PEX5L: variants seen among roughly 807,000 people sequenced by gnomAD.
PEX5L encodes the protein PEX5-related protein.
Under a neutral mutation model 84.0 loss-of-function variants are expected in PEX5L, and 30 were observed. The ratio of observed to expected loss-of-function variants is 0.36; its 90% CI spans 0.27 to 0.48. The LOEUF (loss-of-function observed/expected upper bound fraction) is 0.48, where lower values mean the gene tolerates loss of function less well. Among genes scored for constraint, PEX5L ranks in the 20% least tolerant of loss-of-function variants. The probability of loss-of-function intolerance (pLI) is 0.99; values close to 1 mark genes in which losing one functional copy is unlikely to be tolerated. For missense variants in PEX5L, 533 were observed against 754.6 expected (o/e 0.71, Z 3.44); for synonymous variants, 270 against 283.1 (o/e 0.95, Z 0.46).
chr3:180,032,113 A>T (rs1376720645), intron 1 of PEX5L, among the ~76,000 whole-genome samples: 2 of 152,232 alleles, frequency 1.3e-5, no homozygotes, highest in East Asian at 3.8e-4. Context: ...TTAAAAGCTC[A>T]ACACTACATC....
In PEX5L at chr3:179,805,039, A is replaced by C. The variant is rs140362127; in HGVS notation, c.1676+2635T>G. ...GAGGCTGAGGCAGGAGAATTGCTTG[A>C]ACCTGGGAGGCAGAAGTTGCAGTGA... is the stretch of plus-strand genomic sequence containing the variant. On this transcript the variant is annotated intron_variant, in intron 14 of 14. Transcript: ENST00000467460. Among the ~76,000 whole-genome samples the C allele has an allele frequency of 0.013, 1,982 of 151,878 alleles. 49 individuals carry two copies. The Middle Eastern group carries it at 0.14, about 10-fold the overall frequency.
At chr3:180,020,246 A>G (rs893181277) in intron 1 of PEX5L, among the ~76,000 whole-genome samples, 7 of 152,168 alleles carry the variant, frequency 4.6e-5, no homozygotes, top group African/African-American at 1.7e-4. Context: ...ATAAAATAAA[A>G]ATTTAAACCA....
intron 1 of PEX5L, among the ~76,000 whole-genome samples, chr3:180,006,699 T>A (rs1053189355): frequency 6.6e-6 from 1 of 152,220 alleles, no homozygotes; most frequent in Non-Finnish European, 1.5e-5. Flanking sequence ...TGAAAGGCAC[T>A]TCTTACATTT....
At position 179,801,684 on chromosome 3, in the gene PEX5L, C is replaced by T. The variant is rs888350084; in HGVS notation, c.*144G>A. On this transcript the variant is annotated 3_prime_UTR_variant, in exon 15 of 15. Transcript: ENST00000467460. ...ATCTGAACAGAGACTGGGCATTGTC[C>T]ACAGGAATTAATTTCCTTGGGCTAT... is the stretch of plus-strand genomic sequence containing the variant. The T allele has an allele frequency of 1.5e-6, 1 of 656,028 alleles. No individual in the cohort carries two copies. The highest frequency in any genetic ancestry group is 2.7e-6 in the Non-Finnish European group (1 of 371,438). The allele number at this position is 656,028 out of a possible 1,614,324, so 40.6% of individuals were successfully genotyped here. A position where few individuals can be genotyped will look rare whatever the true frequency, so the allele number is the denominator to read the frequency against.
intron 1 of PEX5L, among the ~76,000 whole-genome samples, chr3:179,980,986 T>C (rs1052556253): frequency 1.3e-5 from 2 of 149,914 alleles, no homozygotes; most frequent in Non-Finnish European, 2.9e-5. Flanking sequence ...ATTGTACCAC[T>C]GTACTCTAGT....
chr3:180,001,540 T>A (rs1183714071), intron 1 of PEX5L, among the ~76,000 whole-genome samples: 1 of 151,856 alleles, frequency 6.6e-6, no homozygotes, highest in Non-Finnish European at 1.5e-5. Flanking sequence ...TCAAACCATA[T>A]ATTTGTAGCT....
chr3:179,967,480 T>C (rs866136546), intron 2 of PEX5L, among the ~76,000 whole-genome samples: 1 of 152,134 alleles, frequency 6.6e-6, no homozygotes, highest in African/African-American at 2.4e-5. Context: ...AAGCACAGTA[T>C]CATTTTACAA....
intron 11 of PEX5L, among the ~76,000 whole-genome samples, chr3:179,810,516 G>T (rs1328166609): frequency 6.6e-6 from 1 of 152,112 alleles, no homozygotes; most frequent in Non-Finnish European, 1.5e-5. Flanking sequence ...TTTTCAAACT[G>T]AAGTGCATGT....
At chr3:179,936,130 G>C (rs1260587457) in intron 2 of PEX5L, among the ~76,000 whole-genome samples, 6 of 152,180 alleles carry the variant, frequency 3.9e-5, no homozygotes, top group Admixed American at 1.3e-4. Flanking sequence ...ACTGTATGTT[G>C]TATGTGTGTT....
chr3:179,924,295 A>T (rs1057397146), intron 2 of PEX5L, among the ~76,000 whole-genome samples: 11 of 152,124 alleles, frequency 7.2e-5, no homozygotes, highest in African/African-American at 2.7e-4. Context: ...GTAGTTATTT[A>T]TGGGCATGCC....
At chr3:179,939,205 T>C (rs903840315) in intron 2 of PEX5L, among the ~76,000 whole-genome samples, 1 of 152,234 alleles carries the variant, frequency 6.6e-6, no homozygotes, top group African/African-American at 2.4e-5. Flanking sequence ...GAAATGAAGA[T>C]GCTTACTGAA....
At chr3:179,992,615 T>C (rs538788795) in intron 1 of PEX5L, among the ~76,000 whole-genome samples, 1 of 152,182 alleles carries the variant, frequency 6.6e-6, no homozygotes, top group African/African-American at 2.4e-5. Flanking sequence ...AACAGATGGC[T>C]CCCACTCAGA....
chr3:179,939,249 T>C (rs1410274242), intron 2 of PEX5L, among the ~76,000 whole-genome samples: 2 of 152,156 alleles, frequency 1.3e-5, no homozygotes, highest in African/African-American at 4.8e-5. Context: ...AAAAACAGGA[T>C]TGATACCTCT....
At chr3:179,815,265 T>C (rs144990779) in intron 10 of PEX5L, among the ~76,000 whole-genome samples, 324 of 152,350 alleles carry the variant, frequency 2.1e-3, no homozygotes, top group Non-Finnish European at 3.8e-3. Flanking sequence ...ATACTGTCCC[T>C]TGAAAACTAC....
At chr3:179,920,723 C>G (rs1447882501) in intron 2 of PEX5L, among the ~76,000 whole-genome samples, 3 of 152,106 alleles carry the variant, frequency 2.0e-5, no homozygotes, top group Non-Finnish European at 4.4e-5. Context: ...AACTTAAGCT[C>G]CATAAGTACA....
chr3:179,824,780 A>G (rs903494435), intron 8 of PEX5L, among the ~76,000 whole-genome samples: 1 of 150,714 alleles, frequency 6.6e-6, no homozygotes, highest in Non-Finnish European at 1.5e-5. Flanking sequence ...GCAAGTTTGG[A>G]TTAAAAATTT....
intron 1 of PEX5L, among the ~76,000 whole-genome samples, chr3:179,993,102 A>G (rs1316059445): frequency 1.3e-5 from 2 of 152,184 alleles, no homozygotes; most frequent in Non-Finnish European, 2.9e-5. Context: ...AGAAGGAAAG[A>G]AAGAAAAACT....
At chr3:179,825,594 G>A (rs1045270984) in intron 8 of PEX5L, among the ~76,000 whole-genome samples, 3 of 123,962 alleles carry the variant, frequency 2.4e-5, no homozygotes, top group African/African-American at 1.0e-4. Context: ...ATATTGGTGG[G>A]GGTATGCTGG....
chr3:179,877,538 A>G (rs1752818614), intron 5 of PEX5L, among the ~76,000 whole-genome samples: 1 of 152,146 alleles, frequency 6.6e-6, no homozygotes, highest in Admixed American at 6.5e-5. Flanking sequence ...AGCTCACTGC[A>G]GCCTCAATCT....
Sources: allele counts gnomAD v4.1 joint callset (sites outside exome capture counted in the v4.1 genomes callset), GRCh38; gene constraint gnomAD v4.1.1; transcripts MANE v1.5; gene names NCBI Gene and HGNC (gene_info 2026-07-23, HGNC 2026-07-21).